GALNT12: variants seen among roughly 807,000 people sequenced by gnomAD.
GALNT12 encodes polypeptide N-acetylgalactosaminyltransferase 12.
Under a neutral mutation model 55.5 loss-of-function variants are expected in GALNT12, and 45 were observed. The observed-to-expected ratio is 0.81, with a 90% CI of 0.64 to 1.04. The LOEUF (loss-of-function observed/expected upper bound fraction) is 1.04. Ranked by LOEUF, GALNT12 falls within the 50% of genes least tolerant of loss-of-function variation. The pLI is 0.00. For synonymous variants in GALNT12, 304 were observed against 312.2 expected (o/e 0.97, Z 0.28); for missense variants, 709 against 754.8 (o/e 0.94, Z 0.71).
At chr9:98,829,154 TATC>T (rs1167606576) in intron 3 of GALNT12, among the ~76,000 whole-genome samples, 47 of 36,868 alleles carry the variant, frequency 1.3e-3, no homozygotes, top group African/African-American at 4.1e-3. Context: ...TAATTTTTTT[TATC>T]TATCTATCTA....
rs1835863633 is a variant in GALNT12, at chr9:98,826,738, G to C, written c.542-14G>C. The C allele has an allele frequency of 6.2e-7, 1 of 1,609,434 alleles. No homozygotes were observed. Among genetic ancestry groups the C allele is most frequent in the East Asian group, 2.2e-5 (1 of 44,818 alleles). The stretch of plus-strand genomic sequence containing the variant: ...TTGTCACGGTGACCCCTGTTGCTTT[G>C]TTTGCCTCCCTAGAGCACCTGAAGG... On this transcript the variant is annotated splice_polypyrimidine_tract_variant and intron_variant, in intron 2 of 9. Coordinates refer to ENST00000375011, the MANE Select transcript of GALNT12 (RefSeq NM_024642.5).
rs376894835 is a variant in GALNT12, at chr9:98,848,970, G to A, written c.1624G>A (p.Glu542Lys). The change falls in exon 10 of 10, where the codon GAA (glutamate) becomes AAA (lysine). Residue 542 changes from glutamate (E) to lysine (K), a missense_variant. By Grantham distance (56) the Glu-to-Lys change is moderately conservative. Around this residue, in one of 5 missense-constraint regions of GALNT12, gnomAD observed 262 missense variants for 310.7 expected, o/e 0.84. Transcript: ENST00000375011. ...TTTGTAGGATGGATCTTTATTTCAC[G>A]AACAGTCCAAGAAATGTGTCCAGGC... is the stretch of plus-strand genomic sequence containing the variant. ...ILQEDGSLFH[E>K]QSKKCVQAAR... 12 of 1,613,952 alleles carry A rather than the reference G, an allele frequency of 7.4e-6. No individual in the cohort carries two copies. Among genetic ancestry groups the A allele is most frequent in the Non-Finnish European group, 1.0e-5 (12 of 1,180,020 alleles).
At chr9:98,840,156 C>T (rs371016320) in intron 7 of GALNT12, 23 bp downstream of exon 7, 390 of 1,612,164 alleles carry the variant, frequency 2.4e-4, no homozygotes, top group Middle Eastern at 1.0e-3. Flanking sequence ...GGTGGGCCCA[C>T]GGCAGGCAGG....
intron 2 of GALNT12, among the ~76,000 whole-genome samples, chr9:98,824,438 A>G (rs936236173): frequency 3.3e-5 from 5 of 152,142 alleles, no homozygotes; most frequent in African/African-American, 1.2e-4. Context: ...CACTGCTTGG[A>G]AGTTCTCCAC....
intron 4 of GALNT12, 149 bp downstream of exon 4, chr9:98,832,106 T>G: frequency 1.4e-6 from 1 of 714,868 alleles, no homozygotes; most frequent in East Asian, 2.7e-5. Flanking sequence ...TATTTGTTTA[T>G]TTTTATTAAA....
In GALNT12 at chr9:98,845,752, C is replaced by T. The variant is rs1836394691; in HGVS notation, c.1459-225C>T. Among the ~76,000 whole-genome samples, 2 of 152,130 alleles carry T rather than the reference C, an allele frequency of 1.3e-5. 1 individual carries two copies. Among genetic ancestry groups the T allele is most frequent in the South Asian group, 4.1e-4 (2 of 4,824 alleles). ...CTGTCTCCCTGTCTAGCAAGCTGGG[C>T]AGGCATGGGAAGGGCCATTTCCTCC... is the stretch of plus-strand genomic sequence containing the variant. On this transcript the variant is annotated intron_variant, in intron 8 of 9. Coordinates refer to ENST00000375011, the MANE Select transcript of GALNT12 (RefSeq NM_024642.5).
At chr9:98,815,848 CGTT>C (rs1835598504) in intron 1 of GALNT12, among the ~76,000 whole-genome samples, 2 of 152,196 alleles carry the variant, frequency 1.3e-5, no homozygotes, top group African/African-American at 2.4e-5. Flanking sequence ...CTCACATACA[CGTT>C]GTTGTTTCTA....
rs2118522197 is a variant in GALNT12, at chr9:98,848,948, G to C, written c.1606-4G>C. The C allele has an allele frequency of 1.9e-6, 3 of 1,614,216 alleles. No individual in the cohort carries two copies. The highest frequency in any genetic ancestry group is 2.2e-5 in the East Asian group (1 of 44,890). ...CTTGCCTGTCATTCTGTTATCTTTT[G>C]TAGGATGGATCTTTATTTCACGAAC... On this transcript the variant is annotated splice_polypyrimidine_tract_variant and splice_region_variant and intron_variant, in intron 9 of 9. Transcript: ENST00000375011.
intron 1 of GALNT12, among the ~76,000 whole-genome samples, chr9:98,814,877 C>A (rs952317594): frequency 5.3e-5 from 8 of 152,260 alleles, no homozygotes; most frequent in South Asian, 4.1e-4. Flanking sequence ...AAGCACTCAA[C>A]AAATGGTACT....
At position 98,844,080 on chromosome 9, in the gene GALNT12, T is replaced by C. The variant is rs772473556; in HGVS notation, c.1345-16T>C. 1.9e-6 allele frequency: 3 copies of C among 1,558,194 alleles called. No individual in the cohort carries two copies. Among genetic ancestry groups the C allele is most frequent in the Non-Finnish European group, 2.7e-6 (3 of 1,129,088 alleles). On this transcript the variant is annotated splice_polypyrimidine_tract_variant and intron_variant, in intron 7 of 9. Coordinates refer to ENST00000375011, the MANE Select transcript of GALNT12 (RefSeq NM_024642.5). ...TATAAATCTGGACTGAAATGCCACA[T>C]TTATGTTTTATTTAGCTCCAGAACA...
chr9:98,841,914 G>C (rs142513147), intron 7 of GALNT12, among the ~76,000 whole-genome samples: 4 of 151,976 alleles, frequency 2.6e-5, no homozygotes, highest in Admixed American at 2.6e-4. Context: ...CTGACCTCAG[G>C]TGATCTGCCT....
intron 1 of GALNT12, among the ~76,000 whole-genome samples, chr9:98,822,448 CTTATTGGTT>C (rs1564250812): frequency 7.7e-4 from 117 of 152,324 alleles, no homozygotes; most frequent in African/African-American, 2.8e-3. Context: ...AAAGAGGGAG[CTTATTGGTT>C]CTAATCACTG....
chr9:98,844,638 G>C, intron 8 of GALNT12: 1 of 233,932 alleles, frequency 4.3e-6, no homozygotes, highest in South Asian at 5.6e-5. Flanking sequence ...CAGAAGGAAG[G>C]ATAAAGTAAC....
intron 1 of GALNT12, among the ~76,000 whole-genome samples, chr9:98,817,270 G>A (rs1393991534): frequency 2.6e-5 from 4 of 152,072 alleles, no homozygotes; most frequent in Admixed American, 6.6e-5. Context: ...CTAGCCTCGC[G>A]GTTAATTCTT....
Position 98,831,993 on chromosome 9 carries a change from G to A in GALNT12, c.917+36G>A, listed in dbSNP as rs372073971. The A allele has an allele frequency of 1.7e-3, 2,721 of 1,579,080 alleles. 2 individuals are homozygous for A. The highest frequency in any genetic ancestry group is 2.2e-3 in the Non-Finnish European group (2,544 of 1,152,930). On this transcript the variant is annotated intron_variant, in intron 4 of 9. Transcript: ENST00000375011. Reference sequence around the variant, plus strand: ...GACTTCTGGGTGACTTGTTTTTTAAGCATGCCTCATTGAATCTGGCTGACC... The same window carrying A: ...GACTTCTGGGTGACTTGTTTTTTAAACATGCCTCATTGAATCTGGCTGACC...
At chr9:98,836,185 C>G (rs986879191) in intron 5 of GALNT12, among the ~76,000 whole-genome samples, 2 of 152,096 alleles carry the variant, frequency 1.3e-5, no homozygotes, top group Admixed American at 1.3e-4. Context: ...CTACATGGCC[C>G]GTGAAAACCG....
intron 6 of GALNT12, 63 bp downstream of exon 6, chr9:98,837,211 G>C: frequency 6.6e-7 from 1 of 1,519,068 alleles, no homozygotes; most frequent in Non-Finnish European, 9.1e-7. Flanking sequence ...GCTAATCGTG[G>C]CTTCCCCAAC....
At chr9:98,841,412 A>G (rs543720385) in intron 7 of GALNT12, among the ~76,000 whole-genome samples, 2 of 152,330 alleles carry the variant, frequency 1.3e-5, no homozygotes, top group East Asian at 3.9e-4. Context: ...AAGGTTGACC[A>G]GTGGGTTAAT....
At chr9:98,840,875 C>G (rs1488960014) in intron 7 of GALNT12, among the ~76,000 whole-genome samples, 2 of 152,176 alleles carry the variant, frequency 1.3e-5, no homozygotes, top group African/African-American at 4.8e-5. Context: ...TCTTTTTAAG[C>G]AAATCCCGGG....
Sources: allele counts gnomAD v4.1 joint callset (sites outside exome capture counted in the v4.1 genomes callset), GRCh38; gene constraint gnomAD v4.1.1; regional missense constraint gnomAD v4.1.1; transcripts MANE v1.5; gene names NCBI Gene and HGNC (gene_info 2026-07-23, HGNC 2026-07-21).